PDE10A: variants seen among roughly 807,000 people sequenced by gnomAD.
The protein encoded by PDE10A is phosphodiesterase 10A.
Under a neutral mutation model 97.7 loss-of-function variants are expected in PDE10A, and 39 were observed. The observed-to-expected ratio is 0.40, with a 90% CI of 0.31 to 0.52. PDE10A has a LOEUF of 0.52. PDE10A is among the 20% of genes least tolerant of loss of function. The pLI is 0.56. For missense variants in PDE10A, 731 were observed against 1,047.8 expected, an observed-to-expected ratio of 0.70 and a Z score of 4.17; for synonymous variants, 371 against 376.8, an observed-to-expected ratio of 0.98 and a Z score of 0.18.
At chr6:165,581,944 G>A (rs1352055466) in intron 1 of PDE10A, among the ~76,000 whole-genome samples, 1 of 152,164 alleles carries the variant, frequency 6.6e-6, no homozygotes, top group East Asian at 1.9e-4. Context: ...TGGTTTCAGT[G>A]ATTTTCCTTA....
chr6:165,377,628 A>G (rs570954739), intron 18 of PDE10A, among the ~76,000 whole-genome samples: 2 of 152,288 alleles, frequency 1.3e-5, no homozygotes, highest in South Asian at 4.1e-4. Context: ...TACTAGTTAC[A>G]TGATTCTTAT....
chr6:165,405,827 A>G lies in PDE10A; in HGVS notation c.2076+7674T>C, dbSNP rs539285650. Among the ~76,000 whole-genome samples, 14 of 152,300 alleles carry G rather than the reference A, an allele frequency of 9.2e-5. No homozygotes were observed. In the South Asian group the frequency reaches 2.5e-3, roughly 27 times the overall value. On this transcript the variant is annotated intron_variant, in intron 13 of 21. Transcript: ENST00000539869. ...TCATAGCTGAAGGAGAGCTGCATCT[A>G]CTGCAGAGCAGGCGCTTTTGGAAAT...
At position 165,513,386 on chromosome 6, in the gene PDE10A, C is replaced by T. The variant is rs915741045; in HGVS notation, c.994+30054G>A. On this transcript the variant is annotated intron_variant, in intron 2 of 21. Coordinates refer to ENST00000539869, the MANE Select transcript of PDE10A (RefSeq NM_001385079.1). ...TTCTGGACTCTCAATTCTGTTTCAT[C>T]GATTTGTATGCCTATCTCTGCAGCA... is the stretch of plus-strand genomic sequence containing the variant. Among the ~76,000 whole-genome samples, 10 of 152,040 alleles carry T rather than the reference C, an allele frequency of 6.6e-5. No homozygotes were observed. In the South Asian group the frequency reaches 1.7e-3, roughly 25 times the overall value.
At chr6:165,562,164 A>G (rs537275205) in intron 1 of PDE10A, among the ~76,000 whole-genome samples, 2 of 152,262 alleles carry the variant, frequency 1.3e-5, no homozygotes, top group East Asian at 3.9e-4. Flanking sequence ...AGTTTACTAG[A>G]TATACTATAT....
At chr6:165,782,731 C>T (rs1417084463) in intron 1 of PDE10A, among the ~76,000 whole-genome samples, 1 of 151,752 alleles carries the variant, frequency 6.6e-6, no homozygotes, top group African/African-American at 2.4e-5. Flanking sequence ...AGAACTACGT[C>T]TTATCGTGTA....
intron 2 of PDE10A, among the ~76,000 whole-genome samples, chr6:165,527,147 G>T (rs1195797616): frequency 6.6e-6 from 1 of 152,176 alleles, no homozygotes; most frequent in Non-Finnish European, 1.5e-5. Flanking sequence ...TTCCCTCTAA[G>T]GTGAAGAATA....
intron 3 of PDE10A, among the ~76,000 whole-genome samples, chr6:165,478,320 T>C (rs199822735): frequency 6.6e-6 from 1 of 152,164 alleles, no homozygotes; most frequent in East Asian, 1.9e-4. Context: ...AATAAAACAG[T>C]ACATTCCCCA....
At chr6:165,698,566 T>C (rs1791495101) in intron 1 of PDE10A, among the ~76,000 whole-genome samples, 1 of 152,222 alleles carries the variant, frequency 6.6e-6, no homozygotes, top group South Asian at 2.1e-4. Context: ...CACTCAATTC[T>C]TGGCCAGATG....
At chr6:165,586,882 A>C (rs1785945909) in intron 1 of PDE10A, among the ~76,000 whole-genome samples, 1 of 152,188 alleles carries the variant, frequency 6.6e-6, no homozygotes, top group African/African-American at 2.4e-5. Flanking sequence ...TGCCTTGAAA[A>C]AAAAATGCTG....
chr6:165,910,634 T>C (rs1782428524), intron 1 of PDE10A, among the ~76,000 whole-genome samples: 1 of 152,230 alleles, frequency 6.6e-6, no homozygotes, highest in South Asian at 2.1e-4. Context: ...ATGAATTTAC[T>C]TCCTCAATTT....
At chr6:165,643,391 T>C (rs944538585) in intron 1 of PDE10A, among the ~76,000 whole-genome samples, 23 of 152,198 alleles carry the variant, frequency 1.5e-4, no homozygotes, top group African/African-American at 5.5e-4. Context: ...CATTCACAGA[T>C]GCTCTCCTTA....
At chr6:165,889,869 CCTCACTCCTCCCTCA>C in intron 1 of PDE10A, among the ~76,000 whole-genome samples, 7 of 138,082 alleles carry the variant, frequency 5.1e-5, no homozygotes, top group African/African-American at 8.0e-5. Flanking sequence ...CTCACTCACT[CCTCACTCCTCCCTCA>C]CTCACTCCTC....
intron 1 of PDE10A, among the ~76,000 whole-genome samples, chr6:165,712,631 C>CTTTTTTT (rs71675206): frequency 1.1e-5 from 1 of 88,972 alleles, no homozygotes; most frequent in Non-Finnish European, 2.1e-5. Flanking sequence ...AACTTTCTTT[C>CTTTTTTT]TTTTTTTTTT....
chr6:165,774,831 C>CTTTTTTTTTTTTTTTTTT (rs5881660), intron 1 of PDE10A: 58 of 107,798 alleles, frequency 5.4e-4, no homozygotes, highest in Middle Eastern at 5.9e-3. Flanking sequence ...ACTTTTTTTT[C>CTTTTTTTTTTTTTTTTTT]TTTTTTTTTT....
chr6:165,379,974 C>G (rs1278818871), intron 17 of PDE10A, among the ~76,000 whole-genome samples: 2 of 152,172 alleles, frequency 1.3e-5, no homozygotes, highest in African/African-American at 4.8e-5. Flanking sequence ...TACGACAATT[C>G]TAGGACCATC....
rs61383112 is a variant in PDE10A at position 165,871,911 on chromosome 6, A to T, written c.-615+115618T>A. The stretch of plus-strand genomic sequence containing the variant: ...GGAGATAGGATCGAAGGTGGAAATC[A>T]AGGTATTTTCAAGAAAATGACAGAC... On this transcript the variant is annotated intron_variant, in intron 1 of 19. Transcript: ENST00000366882. Among the ~76,000 whole-genome samples the T allele has an allele frequency of 2.7e-3, 406 of 152,342 alleles. 2 individuals carry two copies. Among genetic ancestry groups the T allele is most frequent in the African/African-American group, 8.9e-3 (368 of 41,578 alleles).
intron 1 of PDE10A, among the ~76,000 whole-genome samples, chr6:165,609,813 A>T (rs1158193220): frequency 6.6e-6 from 1 of 152,126 alleles, no homozygotes; most frequent in Non-Finnish European, 1.5e-5. Flanking sequence ...GATGTGAAGG[A>T]CCTCTTCAAG....
intron 1 of PDE10A, chr6:165,986,336 G>A (rs2128505316): frequency 6.6e-6 from 1 of 152,638 alleles, no homozygotes; most frequent in East Asian, 1.9e-4. Flanking sequence ...GGAAAGGGGT[G>A]GGGAGAAGAG....
At chr6:165,463,252 G>T (rs1189584059) in intron 3 of PDE10A, among the ~76,000 whole-genome samples, 2 of 152,162 alleles carry the variant, frequency 1.3e-5, no homozygotes, top group African/African-American at 4.8e-5. Flanking sequence ...AACCTCAAAT[G>T]ATATGGCTCA....
Sources: gnomAD v4.1 joint callset for allele counts (sites outside exome capture counted in the v4.1 genomes callset) on GRCh38, gnomAD v4.1.1 for gene constraint, MANE v1.5 for transcripts, NCBI Gene and HGNC (gene_info 2026-07-23, HGNC 2026-07-21) for gene names.